The following ASAP3 variants were observed in gnomAD, a reference collection of about 807,000 sequenced individuals.
ASAP3 encodes the protein ArfGAP with SH3 domain, ankyrin repeat and PH domain 3.
Under a neutral mutation model 118.2 loss-of-function variants are expected in ASAP3, and 85 were observed. The observed-to-expected ratio is 0.72, with a 90% confidence interval of 0.60 to 0.86. The LOEUF is 0.86. Among genes scored for constraint, ASAP3 ranks in the 40% least tolerant of loss-of-function variants. The pLI, the probability that ASAP3 is intolerant of heterozygous loss-of-function variation, is 0.00. For missense variants in ASAP3, 1,026 were observed against 1,175.0 expected (o/e 0.87, Z 1.85); for synonymous variants, 432 against 477.4 (o/e 0.90, Z 1.24).
At chr1:23,481,458 C>T (rs1423439926) in intron 1 of ASAP3, among the ~76,000 whole-genome samples, 1 of 152,168 alleles carries the variant, frequency 6.6e-6, no homozygotes, top group Non-Finnish European at 1.5e-5. Flanking sequence ...AATATAAATG[C>T]AAATGCAAAA....
intron 1 of ASAP3, among the ~76,000 whole-genome samples, chr1:23,475,825 T>A (rs1349654508): frequency 6.6e-6 from 1 of 151,990 alleles, no homozygotes; most frequent in African/African-American, 2.4e-5. Flanking sequence ...AGAAACAAAT[T>A]AGCATGGATG....
intron 9 of ASAP3, 49 bp downstream of exon 9, chr1:23,441,338 G>T (rs542605560): frequency 6.2e-7 from 1 of 1,608,982 alleles, no homozygotes. Context: ...CTCCCTCCAC[G>T]GTGGGCCTTG....
rs761470699 is a variant in ASAP3, at chr1:23,456,141, T to A, written c.183A>T (p.Ala61=). The part of the protein sequence containing the change: ...ILQRIKKAVR[A]IHSSGLGHVE... Reference sequence around the variant, plus strand: ...ACTTACCAAGGCCGGAGCTATGGATTGCCCGCACAGCCTTCTTTATTCTCT... The same window carrying A: ...ACTTACCAAGGCCGGAGCTATGGATAGCCCGCACAGCCTTCTTTATTCTCT... The change falls in exon 2 of 25, where the codon GCA becomes GCT. Residue 61 remains alanine (A), a synonymous_variant. Transcript: ENST00000336689. 2.5e-6 allele frequency: 4 copies of A among 1,614,120 alleles called. No homozygotes were observed. The South Asian group carries it at 4.4e-5, about 18-fold the overall frequency.
At chr1:23,433,602 C>T in intron 20 of ASAP3, 24 bp downstream of exon 20, 1 of 1,614,204 alleles carries the variant, frequency 6.2e-7, no homozygotes, top group Non-Finnish European at 8.5e-7. Flanking sequence ...GAGTCAGGGG[C>T]CCCTTGCCTC....
intron 22 of ASAP3, 82 bp downstream of exon 22, chr1:23,432,995 T>A (rs1381473634): frequency 3.3e-6 from 5 of 1,510,378 alleles, no homozygotes; most frequent in African/African-American, 1.4e-5. Flanking sequence ...CGGACTAACA[T>A]ATGCACTCAG....
intron 5 of ASAP3, among the ~76,000 whole-genome samples, chr1:23,444,711 G>T (rs892372875): frequency 6.6e-6 from 1 of 152,222 alleles, no homozygotes; most frequent in Non-Finnish European, 1.5e-5. Context: ...TGACTCTAAA[G>T]TTCTGGGCCC....
chr1:23,482,313 G>C (rs766041310), intron 1 of ASAP3, among the ~76,000 whole-genome samples: 1 of 152,216 alleles, frequency 6.6e-6, no homozygotes, highest in Non-Finnish European at 1.5e-5. Context: ...CCTGAGCTCA[G>C]GAGTTCAAGA....
At chr1:23,434,016 T>A (rs987165580) in intron 19 of ASAP3, among the ~76,000 whole-genome samples, 1 of 152,278 alleles carries the variant, frequency 6.6e-6, no homozygotes, top group Non-Finnish European at 1.5e-5. Flanking sequence ...AGCTAATATT[T>A]ATTTGCCTAA....
At chr1:23,469,921 T>C (rs1310475495) in intron 1 of ASAP3, among the ~76,000 whole-genome samples, 1 of 152,214 alleles carries the variant, frequency 6.6e-6, no homozygotes, top group Non-Finnish European at 1.5e-5. Context: ...GAGCCCCAGT[T>C]ATCTCTGTAA....
rs755206309 is a variant in ASAP3, at chr1:23,470,387, C to T, written c.129+13618G>A. On this transcript the variant is annotated intron_variant, in intron 1 of 24. Coordinates refer to ENST00000336689, the MANE Select transcript of ASAP3 (RefSeq NM_017707.4). ...AAGGGGGTGCCAGAGGAGGGCAGTG[C>T]TCTTCCCAGCTACCCCTCTGCCTCA... 4.6e-5 allele frequency among the ~76,000 whole-genome samples: 7 copies of T among 152,220 alleles called. No homozygotes were observed. The East Asian group carries it at 5.8e-4, about 13-fold the overall frequency.
chr1:23,468,289 G>A (rs7554117), intron 1 of ASAP3, among the ~76,000 whole-genome samples: 1 of 152,070 alleles, frequency 6.6e-6, no homozygotes, highest in Admixed American at 6.6e-5. Context: ...CACTACTGAC[G>A]AGTATAAAAA....
chr1:23,437,177 A>C lies in ASAP3; in HGVS notation c.1295T>G (p.Val432Gly), dbSNP rs1390922769. ...CTGGCTATTCCCAGGCCTGCTCTTC[A>C]CCTCCGCGATGAGCAGCTTTGTGAG... ...HDLTKLLIAEVKSRPGNSQCC... is the reference protein window; with the variant it reads ...HDLTKLLIAEGKSRPGNSQCC... Residue 432 changes from valine to glycine, a missense_variant, in exon 14 of 25, where the codon GTG (valine) becomes GGG (glycine). Transcript: ENST00000336689. The surrounding 1 kb of genome is among the most constrained non-coding windows in gnomAD (Gnocchi z 6.1). The C allele has an allele frequency of 1.9e-6, 3 of 1,606,890 alleles. No individual in the cohort carries two copies. The highest frequency in any genetic ancestry group is 1.7e-6 in the Non-Finnish European group (2 of 1,177,248).
At chr1:23,441,303 G>A (rs1640865550) in intron 9 of ASAP3, 84 bp downstream of exon 9, 1 of 1,602,128 alleles carries the variant, frequency 6.2e-7, no homozygotes, top group Admixed American at 1.7e-5. Context: ...TTCTCCAGGG[G>A]ACCCTGTGGG....
At position 23,429,751 on chromosome 1, in the gene ASAP3, G is replaced by T; in HGVS notation, c.*105C>A. The T allele has an allele frequency of 8.6e-7, 1 of 1,162,958 alleles. No homozygotes were observed. The highest frequency in any genetic ancestry group is 1.2e-6 in the Non-Finnish European group (1 of 817,862). The allele number at this position is 1,162,958 out of a possible 1,614,324, so 72.0% of individuals were successfully genotyped here. ...TACAGAGGCACAAGGGACAGAGAGA[G>T]TGAGATCCAAGAGAACAAATGTCTC... On this transcript the variant is annotated 3_prime_UTR_variant, in exon 25 of 25. Transcript: ENST00000336689.
intron 22 of ASAP3, 101 bp downstream of exon 22, chr1:23,432,976 A>G: frequency 7.4e-7 from 1 of 1,342,966 alleles, no homozygotes; most frequent in Non-Finnish European, 1.0e-6. Flanking sequence ...GGTCATCATA[A>G]GGATAGTACG....
rs528205422 is a variant in ASAP3 at position 23,435,528 on chromosome 1, T to C, written c.1749+323A>G. Among the ~76,000 whole-genome samples the C allele has an allele frequency of 4.6e-5, 7 of 152,376 alleles. No homozygotes were observed. In the South Asian group the frequency reaches 1.4e-3, roughly 32 times the overall value. ...GAAAAAGATATTAACGTTTATTGCA[T>C]GCCCATTGTACACTAAGCCCTTTAT... On this transcript the variant is annotated intron_variant, in intron 17 of 24. Transcript: ENST00000336689.
chr1:23,447,686 G>C (rs546053070), intron 5 of ASAP3, among the ~76,000 whole-genome samples: 9 of 152,320 alleles, frequency 5.9e-5, no homozygotes, highest in African/African-American at 1.9e-4. Flanking sequence ...GTAAATACTG[G>C]TGATCCCTTT....
At chr1:23,463,726 C>G (rs572327570) in intron 1 of ASAP3, among the ~76,000 whole-genome samples, 2 of 151,858 alleles carry the variant, frequency 1.3e-5, no homozygotes, top group South Asian at 2.1e-4. Context: ...CTCAGCCTCC[C>G]GAGTAGCTAG....
intron 5 of ASAP3, among the ~76,000 whole-genome samples, chr1:23,442,925 G>A (rs546854235): frequency 9.2e-5 from 14 of 152,316 alleles, no homozygotes; most frequent in African/African-American, 3.4e-4. Flanking sequence ...AGCTACTGCT[G>A]GGCAAGAGGG....
Sources: gnomAD v4.1 joint callset for allele counts (sites outside exome capture counted in the v4.1 genomes callset) on GRCh38, gnomAD v4.1.1 for gene constraint, Gnocchi (gnomAD v3.1) non-coding constraint, MANE v1.5 for transcripts, NCBI Gene and HGNC (gene_info 2026-07-23, HGNC 2026-07-21) for gene names.